GYG1: variants seen among roughly 807,000 people sequenced by gnomAD.
GYG1 encodes the protein glycogenin 1.
A neutral mutation model predicts 41.9 loss-of-function variants in GYG1; 44 were observed. The observed-to-expected ratio is 1.05, with a 90% CI of 0.83 to 1.35. The LOEUF (loss-of-function observed/expected upper bound fraction) is 1.35, where lower values mean the gene tolerates loss of function less well. GYG1 is among the 40% of genes most tolerant of loss of function. The probability of loss-of-function intolerance (pLI) is 0.00; values close to 1 mark genes in which losing one functional copy is unlikely to be tolerated. For missense variants in GYG1, 429 were observed against 418.9 expected, an observed-to-expected ratio of 1.02 and a Z score of -0.21; for synonymous variants, 141 against 158.1, an observed-to-expected ratio of 0.89 and a Z score of 0.81.
intron 2 of GYG1, among the ~76,000 whole-genome samples, chr3:148,995,869 G>A (rs867779292): frequency 9.2e-5 from 14 of 152,128 alleles, no homozygotes; most frequent in African/African-American, 3.1e-4. Context: ...ACAAACCAAC[G>A]TGAATCTCAT....
chr3:149,000,118 C>A (rs191704497), intron 4 of GYG1, among the ~76,000 whole-genome samples: 1 of 152,316 alleles, frequency 6.6e-6, no homozygotes, highest in East Asian at 1.9e-4. Context: ...AGCCTCTCCA[C>A]CTCTCTATTC....
Position 148,996,742 on chromosome 3 carries a change from G to A in GYG1, c.319G>A (p.Val107Ile). 2 of 1,613,410 alleles carry A rather than the reference G, an allele frequency of 1.2e-6. No homozygotes were observed. Among genetic ancestry groups the A allele is most frequent in the African/African-American group, 1.3e-5 (1 of 75,010 alleles). ...KCVFMDADTL[V>I]LANIDDLFDR... ...AATGCTCTTTCTCCCCTTTGATCAG[G>A]TCCTAGCAAATATTGATGATCTTTT... Residue 107 changes from valine (V) to isoleucine (I), a missense_variant and splice_region_variant, in exon 4 of 8, where the codon GTC becomes ATC. Coordinates refer to ENST00000345003, the MANE Select transcript of GYG1 (RefSeq NM_004130.4).
chr3:149,015,532 G>A (rs1037509316), intron 5 of GYG1, among the ~76,000 whole-genome samples: 4 of 152,178 alleles, frequency 2.6e-5, no homozygotes, highest in African/African-American at 7.2e-5. Flanking sequence ...CAAGGAGGAA[G>A]GAGTGATCTG....
intron 2 of GYG1, 64 bp downstream of exon 2, chr3:148,994,341 A>G: frequency 6.6e-7 from 1 of 1,523,518 alleles, no homozygotes; most frequent in Non-Finnish European, 9.1e-7. Flanking sequence ...TGTTGCTGAC[A>G]TCATTGGACA....
Position 149,030,605 on chromosome 3 carries a change from A to G in GYG1, c.*3672A>G, listed in dbSNP as rs1459961930. On this transcript the variant is annotated 3_prime_UTR_variant, in exon 8 of 8. Coordinates refer to ENST00000345003, the MANE Select transcript of GYG1 (RefSeq NM_004130.4). ...TGAAGTATTGCTATATGGAGAACCCATACTCTGATCAACTTGATTTTTTGT... is the reference window on the plus strand; with the variant it reads ...TGAAGTATTGCTATATGGAGAACCCGTACTCTGATCAACTTGATTTTTTGT... 6.6e-6 allele frequency: 1 copy of G among 152,208 alleles called. No individual in the cohort carries two copies. The highest frequency in any genetic ancestry group is 1.9e-4 in the East Asian group (1 of 5,196). 9.4% of individuals were successfully genotyped at this position (152,208 alleles called of 1,614,324 possible).
chr3:149,019,549 G>A (rs553946568), intron 5 of GYG1, among the ~76,000 whole-genome samples: 3 of 152,180 alleles, frequency 2.0e-5, no homozygotes, highest in Admixed American at 6.5e-5. Flanking sequence ...CTTACCAAGG[G>A]ATTTCTTAAA....
rs755451812 is a variant in GYG1, at chr3:148,991,647, G to A, written c.7G>A (p.Asp3Asn). The A allele has an allele frequency of 6.5e-7, 1 of 1,543,208 alleles. No individual in the cohort carries two copies. Among genetic ancestry groups the A allele is most frequent in the South Asian group, 1.2e-5 (1 of 84,838 alleles). Residue 3 changes from aspartate to asparagine, a missense_variant and splice_region_variant, in exon 1 of 8, where the codon GAT becomes AAT. Coordinates refer to ENST00000345003, the MANE Select transcript of GYG1 (RefSeq NM_004130.4). ...CTGCGCACCCGGCAGCACCATGACA[G>A]GTACCGCCGCGCAGCCCGCCGCCGC... is the stretch of plus-strand genomic sequence containing the variant. MT[D>N]QAFVTLTTND...
chr3:149,003,789 G>A (rs375002702), intron 4 of GYG1, among the ~76,000 whole-genome samples: 2 of 152,264 alleles, frequency 1.3e-5, no homozygotes, highest in Admixed American at 6.5e-5. Flanking sequence ...TCCTTTGGCT[G>A]AGATGCTGGG....
chr3:148,994,638 T>C (rs1341396318), intron 2 of GYG1, among the ~76,000 whole-genome samples: 1 of 152,202 alleles, frequency 6.6e-6, no homozygotes, highest in African/African-American at 2.4e-5. Flanking sequence ...GACATTCCTT[T>C]CCCAGGATGC....
At chr3:149,010,138 T>C (rs1713634153) in intron 5 of GYG1, among the ~76,000 whole-genome samples, 1 of 152,202 alleles carries the variant, frequency 6.6e-6, no homozygotes, top group Non-Finnish European at 1.5e-5. Context: ...CCTCACTCTG[T>C]CATTTATCTG....
Position 148,993,225 on chromosome 3 carries a change from G to A in GYG1, c.8-917G>A, listed in dbSNP as rs6776382. 7.9e-3 allele frequency among the ~76,000 whole-genome samples: 1,194 copies of A among 150,250 alleles called. 15 individuals carry two copies. Among genetic ancestry groups the A allele is most frequent in the African/African-American group, 0.028 (1,128 of 40,840 alleles). On this transcript the variant is annotated intron_variant, in intron 1 of 7. Transcript: ENST00000345003. ...TAGGGGTCTTGGGAGGGTGGGGACT[G>A]TTCAGCAGGAGGAAAAATCCATGTA...
At position 149,029,067 on chromosome 3, in the gene GYG1, CAG is replaced by C. The variant is rs1021449474; in HGVS notation, c.*2136_*2137del. On this transcript the variant is annotated 3_prime_UTR_variant, in exon 8 of 8. Coordinates refer to ENST00000345003, the MANE Select transcript of GYG1 (RefSeq NM_004130.4). ...GAAGGCTATTATTAACTTTTGGAAT[CAG>C]AAAGAATGACAAGCTTACCATAAGA... Among the ~76,000 whole-genome samples the C allele has an allele frequency of 7.2e-5, 11 of 152,132 alleles. No individual in the cohort carries two copies. Among genetic ancestry groups the C allele is most frequent in the Admixed American group, 4.6e-4 (7 of 15,272 alleles).
intron 1 of GYG1, among the ~76,000 whole-genome samples, chr3:148,993,825 T>G (rs1420055642): frequency 6.6e-6 from 1 of 152,210 alleles, no homozygotes; most frequent in Non-Finnish European, 1.5e-5. Flanking sequence ...GATCTCTTCA[T>G]TACCATCTGT....
rs1358468626 is a variant in GYG1 at position 148,996,341 on chromosome 3, A to G, written c.183A>G (p.Val61=). 2.0e-5 allele frequency: 32 copies of G among 1,611,270 alleles called. No individual in the cohort carries two copies. The highest frequency in any genetic ancestry group is 2.7e-5 in the Non-Finnish European group (32 of 1,178,960). ...LETVFDEVIM[V]DVLDSGDSAH... ...CAGTCTTTGATGAAGTCATCATGGT[A>G]GATGTCTTGGACAGTGGCGATTCTG... Residue 61 remains valine, a synonymous_variant, in exon 3 of 8, where the codon GTA becomes GTG. Transcript: ENST00000345003.
intron 4 of GYG1, among the ~76,000 whole-genome samples, chr3:148,997,420 G>A (rs1428116161): frequency 6.6e-6 from 1 of 152,114 alleles, no homozygotes; most frequent in East Asian, 1.9e-4. Flanking sequence ...TTCTCTATAA[G>A]GCTGTCAGAG....
In GYG1 at chr3:148,991,655, C is replaced by G. The variant is rs773682836; in HGVS notation, c.7+8C>G. 3 of 1,531,086 alleles carry G rather than the reference C, an allele frequency of 2.0e-6. No individual in the cohort carries two copies. The South Asian group carries it at 3.6e-5, about 18-fold the overall frequency. The allele number at this position is 1,531,086 out of a possible 1,614,324, so 94.8% of individuals were successfully genotyped here. The stretch of plus-strand genomic sequence containing the variant: ...CCGGCAGCACCATGACAGGTACCGC[C>G]GCGCAGCCCGCCGCCGCCAGCCCCG... On this transcript the variant is annotated splice_region_variant and intron_variant, in intron 1 of 7. Coordinates refer to ENST00000345003, the MANE Select transcript of GYG1 (RefSeq NM_004130.4).
At chr3:149,014,565 AG>A (rs1170572878) in intron 5 of GYG1, among the ~76,000 whole-genome samples, 1 of 151,946 alleles carries the variant, frequency 6.6e-6, no homozygotes, top group Non-Finnish European at 1.5e-5. Flanking sequence ...GAGGCCAAGG[AG>A]GGTGGATCTC....
intron 5 of GYG1, among the ~76,000 whole-genome samples, chr3:149,022,815 G>T (rs553426089): frequency 6.6e-6 from 1 of 152,052 alleles, no homozygotes; most frequent in South Asian, 2.1e-4. Flanking sequence ...TATGTAAGTG[G>T]AATCATATAT....
At chr3:149,011,254 G>A (rs1713705480) in intron 5 of GYG1, among the ~76,000 whole-genome samples, 1 of 152,200 alleles carries the variant, frequency 6.6e-6, no homozygotes, top group African/African-American at 2.4e-5. Flanking sequence ...ACATGGAAAT[G>A]TGAACCTGAT....
Sources: allele counts gnomAD v4.1 joint callset (sites outside exome capture counted in the v4.1 genomes callset), GRCh38; gene constraint gnomAD v4.1.1; transcripts MANE v1.5; gene names NCBI Gene and HGNC (gene_info 2026-07-23, HGNC 2026-07-21).